The following PCNX1 variants were observed in gnomAD, a reference collection of about 807,000 sequenced individuals.
The protein encoded by PCNX1 is pecanex 1, also known as pecanex-like protein 1.
A neutral mutation model predicts 242.2 loss-of-function variants in PCNX1; 78 were observed. The observed-to-expected ratio is 0.32, with a 90% confidence interval of 0.27 to 0.39. The LOEUF (loss-of-function observed/expected upper bound fraction) is 0.39, where lower values mean the gene tolerates loss of function less well. PCNX1 is among the 10% of genes least tolerant of loss of function. The pLI is 1.00. For missense variants in PCNX1, 2,581 were observed against 2,856.5 expected (o/e 0.90, Z 2.20); for synonymous variants, 1,024 against 1,032.9 (o/e 0.99, Z 0.17).
At chr14:71,033,908 T>TG (rs1555365541) in intron 17 of PCNX1, 23 bp from the exon 18 acceptor site, 4 of 1,025,774 alleles carry the variant, frequency 3.9e-6, no homozygotes, top group South Asian at 1.4e-5. Flanking sequence ...ATGTATTTTC[T>TG]GTTTTTTTTT....
At chr14:71,041,098 TC>T (rs2060690591) in intron 19 of PCNX1, among the ~76,000 whole-genome samples, 1 of 152,174 alleles carries the variant, frequency 6.6e-6, no homozygotes, top group Non-Finnish European at 1.5e-5. Flanking sequence ...TTAGGTTGCC[TC>T]CAAATCTTGG....
intron 10 of PCNX1, 187 bp from the exon 11 acceptor site, chr14:71,012,798 C>G: frequency 1.9e-6 from 1 of 534,322 alleles, no homozygotes; most frequent in Non-Finnish European, 3.2e-6. Context: ...CACCACTGTA[C>G]TTCAGACAAG....
rs1202524048 is a variant in PCNX1 at position 71,115,268 on chromosome 14, G to GT, written c.*5334dup. 6.6e-6 allele frequency: 1 copy of GT among 152,552 alleles called. No homozygotes were observed. The highest frequency in any genetic ancestry group is 2.1e-4 in the South Asian group (1 of 4,818). 9.4% of individuals were successfully genotyped at this position (152,552 alleles called of 1,614,324 possible). A position where few individuals can be genotyped will look rare whatever the true frequency, so the allele number is the denominator to read the frequency against. ...TTATTCTGAACAGCTTGTAAATATT[G>GT]TAGTTGTTTAAAATGGAAAATAAAA... On this transcript the variant is annotated 3_prime_UTR_variant, in exon 36 of 36. Coordinates refer to ENST00000304743, the MANE Select transcript of PCNX1 (RefSeq NM_014982.3).
rs539064473 is a variant in PCNX1 at position 70,984,487 on chromosome 14, C to T, written c.2312-4080C>T. Among the ~76,000 whole-genome samples the T allele has an allele frequency of 1.3e-4, 20 of 151,106 alleles. No individual in the cohort carries two copies. In the East Asian group the frequency reaches 3.7e-3, roughly 28 times the overall value. On this transcript the variant is annotated intron_variant, in intron 6 of 35. Transcript: ENST00000304743. ...CTGCAAGCTCCACCTTCTGAGTTCA[C>T]GCCATTCTCCTGCCTCAGCCTCCCG...
chr14:71,006,633 G>A (rs926229155), intron 8 of PCNX1, among the ~76,000 whole-genome samples: 1 of 152,128 alleles, frequency 6.6e-6, no homozygotes, highest in Non-Finnish European at 1.5e-5. Context: ...CAGATCTAAA[G>A]TTTAAATATG....
intron 19 of PCNX1, among the ~76,000 whole-genome samples, chr14:71,041,455 C>A (rs2060701861): frequency 6.6e-6 from 1 of 152,020 alleles, no homozygotes; most frequent in African/African-American, 2.4e-5. Context: ...GGAATTAATC[C>A]ATTTTCTCTA....
intron 26 of PCNX1, chr14:71,060,650 T>C (rs2141275083): frequency 6.6e-6 from 1 of 152,318 alleles, no homozygotes; most frequent in African/African-American, 2.4e-5. Flanking sequence ...CAGGTAATTA[T>C]GTCCCATTCC....
intron 15 of PCNX1, 65 bp downstream of exon 15, chr14:71,026,947 C>G: frequency 1.4e-6 from 1 of 694,810 alleles, no homozygotes; most frequent in South Asian, 1.9e-5. Flanking sequence ...AAGTAATAAA[C>G]TGACCATTAA....
chr14:70,929,657 A>G (rs1367954306), intron 1 of PCNX1, among the ~76,000 whole-genome samples: 3 of 152,204 alleles, frequency 2.0e-5, no homozygotes, highest in Non-Finnish European at 2.9e-5. Context: ...AAGTTGTCCT[A>G]ATTAAGTACA....
chr14:71,107,826 AAT>A (rs2062665894), intron 33 of PCNX1, among the ~76,000 whole-genome samples: 1 of 152,182 alleles, frequency 6.6e-6, no homozygotes, highest in African/African-American at 2.4e-5. Context: ...GGCCTTAATA[AAT>A]ATTTCTTTTT....
intron 7 of PCNX1, among the ~76,000 whole-genome samples, chr14:70,990,025 A>G (rs902464767): frequency 6.6e-6 from 1 of 152,242 alleles, no homozygotes; most frequent in Admixed American, 6.5e-5. Context: ...GTTGGAACAG[A>G]TAAACCCCTT....
At chr14:70,960,524 A>G (rs2058170977) in intron 2 of PCNX1, among the ~76,000 whole-genome samples, 6 of 152,180 alleles carry the variant, frequency 3.9e-5, no homozygotes, top group Admixed American at 3.9e-4. Context: ...TCTCAAAATA[A>G]TAAGAGCTAT....
intron 5 of PCNX1, 36 bp downstream of exon 5, chr14:70,969,146 T>C (rs770490924): frequency 8.3e-7 from 1 of 1,202,254 alleles, no homozygotes; most frequent in Non-Finnish European, 1.2e-6. Context: ...TGTCATATAC[T>C]GTGGTGACCA....
chr14:71,055,609 T>TTA (rs757183075), intron 25 of PCNX1, 47 bp downstream of exon 25: 74 of 1,145,914 alleles, frequency 6.5e-5, no homozygotes, highest in South Asian at 3.0e-4. Flanking sequence ...AGGATTTGTT[T>TTA]TATATATATA....
intron 1 of PCNX1, among the ~76,000 whole-genome samples, chr14:70,912,157 C>T (rs1348587256): frequency 6.6e-6 from 1 of 151,938 alleles, no homozygotes; most frequent in East Asian, 1.9e-4. Context: ...CTGTTGTGAA[C>T]CTGGGAGGCA....
intron 28 of PCNX1, among the ~76,000 whole-genome samples, chr14:71,081,228 T>C (rs143683265): frequency 3.3e-5 from 5 of 151,944 alleles, no homozygotes; most frequent in African/African-American, 4.8e-5. Flanking sequence ...CCAACTTGAT[T>C]ATGGTGGATA....
At chr14:71,068,425 T>C (rs1441725260) in intron 26 of PCNX1, among the ~76,000 whole-genome samples, 2 of 145,144 alleles carry the variant, frequency 1.4e-5, no homozygotes, top group Non-Finnish European at 3.1e-5. Flanking sequence ...TTTATATGTA[T>C]ATGTATATAT....
intron 2 of PCNX1, among the ~76,000 whole-genome samples, chr14:70,948,219 CT>C (rs2057538005): frequency 3.3e-5 from 5 of 152,140 alleles, no homozygotes; most frequent in African/African-American, 1.2e-4. Context: ...GACCCATACC[CT>C]ATTCATACAC....
In PCNX1 at chr14:71,103,551, A is replaced by T; in HGVS notation, c.5977A>T (p.Ile1993Phe). 6.2e-7 allele frequency: 1 copy of T among 1,614,188 alleles called. No homozygotes were observed. The highest frequency in any genetic ancestry group is 8.5e-7 in the Non-Finnish European group (1 of 1,180,038). ...SSCDQPIGYP[I>F]FVSPLTTSYS... is the part of the protein sequence containing the mutation. ...TTGTGATCAACCTATTGGCTACCCA[A>T]TCTTTGTCTCACCCCTGACAACTTC... Residue 1993 changes from isoleucine (I) to phenylalanine (F), a missense_variant, in exon 32 of 36, where the codon ATC (isoleucine) becomes TTC (phenylalanine). Around this residue, in one of 9 missense-constraint regions of PCNX1, gnomAD observed 432 missense variants for 433.6 expected, o/e 1.00. Transcript: ENST00000304743.
Sources: allele counts gnomAD v4.1 joint callset (sites outside exome capture counted in the v4.1 genomes callset), GRCh38; gene constraint gnomAD v4.1.1; regional missense constraint gnomAD v4.1.1; transcripts MANE v1.5; gene names NCBI Gene and HGNC (gene_info 2026-07-23, HGNC 2026-07-21).